SHANK2: variants seen among roughly 807,000 people sequenced by gnomAD.
The protein encoded by SHANK2 is SH3 and multiple ankyrin repeat domains protein 2.
Under a neutral mutation model 133.7 loss-of-function variants are expected in SHANK2, and 43 were observed. The ratio of observed to expected loss-of-function variants is 0.32; its 90% CI spans 0.25 to 0.41. The LOEUF is 0.41. Ranked by LOEUF, SHANK2 falls within the 10% of genes least tolerant of loss-of-function variation. The pLI is 1.00. For missense variants in SHANK2, 1,994 were observed against 2,235.8 expected (o/e 0.89, Z 2.18); for synonymous variants, 1,017 against 952.8 (o/e 1.07, Z -1.24).
At chr11:70,623,380 C>G (rs11236931) in intron 17 of SHANK2, among the ~76,000 whole-genome samples, 53,602 of 152,140 alleles carry the variant, frequency 0.35, 10,164 homozygotes, top group East Asian at 0.68. Flanking sequence ...CTCCACGCAC[C>G]ATTTGCCCTT....
intron 11 of SHANK2, among the ~76,000 whole-genome samples, chr11:70,820,992 T>G (rs1555055840): frequency 6.6e-6 from 1 of 152,046 alleles, no homozygotes; most frequent in African/African-American, 2.4e-5. Context: ...CCGGCTGGCT[T>G]GGGCATGTGT....
chr11:70,606,090 G>C (rs116091404), intron 17 of SHANK2, among the ~76,000 whole-genome samples: 2,021 of 152,272 alleles, frequency 0.013, 41 homozygotes, highest in African/African-American at 0.046. Context: ...CTGCCAGGAA[G>C]TGTGCATGGC....
chr11:70,777,176 C>T (rs555580736), intron 14 of SHANK2, among the ~76,000 whole-genome samples: 1 of 151,566 alleles, frequency 6.6e-6, no homozygotes, highest in East Asian at 2.0e-4. Flanking sequence ...CTCACTCATC[C>T]ACCCATCCAT....
At chr11:71,146,668 G>C (rs1590956700) in intron 3 of SHANK2, among the ~76,000 whole-genome samples, 1 of 152,190 alleles carries the variant, frequency 6.6e-6, no homozygotes, top group East Asian at 1.9e-4. Context: ...GGAAGTGGGG[G>C]AGCATGGGAT....
At chr11:71,226,759 T>C (rs1160858822) in intron 1 of SHANK2, 2 of 152,040 alleles carry the variant, frequency 1.3e-5, no homozygotes, top group Non-Finnish European at 2.9e-5. Context: ...AAAGAATAGC[T>C]AAAAAGAAGC....
At chr11:70,917,216 C>T (rs1950283487) in intron 10 of SHANK2, among the ~76,000 whole-genome samples, 1 of 152,294 alleles carries the variant, frequency 6.6e-6, no homozygotes, top group East Asian at 1.9e-4. Flanking sequence ...TCAGCAGACA[C>T]TTTTCAAAAG....
At chr11:70,639,834 G>C (rs1337294322) in intron 17 of SHANK2, among the ~76,000 whole-genome samples, 1 of 152,092 alleles carries the variant, frequency 6.6e-6, no homozygotes, top group Non-Finnish European at 1.5e-5. Context: ...TCTTTACCTG[G>C]CTCCTCTCTA....
intron 15 of SHANK2, among the ~76,000 whole-genome samples, chr11:70,671,412 C>T (rs533924302): frequency 2.0e-5 from 3 of 152,268 alleles, no homozygotes; most frequent in East Asian, 1.9e-4. Context: ...CCTCACTTGA[C>T]GACTACAGAT....
chr11:71,095,244 A>G (rs1270301173), intron 6 of SHANK2, among the ~76,000 whole-genome samples: 1 of 152,230 alleles, frequency 6.6e-6, no homozygotes, highest in Non-Finnish European at 1.5e-5. Flanking sequence ...AGGATGACCC[A>G]GGAGGCAGGG....
chr11:70,481,082 A>G (rs1247716969), intron 25 of SHANK2, among the ~76,000 whole-genome samples: 5 of 152,228 alleles, frequency 3.3e-5, no homozygotes, highest in Non-Finnish European at 7.3e-5. Context: ...GAGATCAAAG[A>G]TGAGACTACC....
intron 21 of SHANK2, among the ~76,000 whole-genome samples, chr11:70,493,215 T>A (rs544481968): frequency 1.3e-5 from 2 of 149,776 alleles, no homozygotes; most frequent in African/African-American, 2.4e-5. Flanking sequence ...AGACATATGG[T>A]TCCTTTGTAA....
chr11:70,574,794 G>A (rs1359461344), intron 17 of SHANK2, among the ~76,000 whole-genome samples: 1 of 152,172 alleles, frequency 6.6e-6, no homozygotes, highest in Non-Finnish European at 1.5e-5. Context: ...GCTGTAGTGC[G>A]AGGACACCCA....
At chr11:70,480,415 GCT>G (rs1326756269) in intron 25 of SHANK2, among the ~76,000 whole-genome samples, 1 of 152,180 alleles carries the variant, frequency 6.6e-6, no homozygotes, top group East Asian at 1.9e-4. Flanking sequence ...GTGTCCCGTG[GCT>G]CTCTTCTGCA....
At chr11:70,730,369 C>T (rs868908654) in intron 14 of SHANK2, among the ~76,000 whole-genome samples, 36 of 152,274 alleles carry the variant, frequency 2.4e-4, no homozygotes, top group Admixed American at 1.6e-3. Context: ...TCCCCACTCA[C>T]GCCCAATTGT....
At position 70,836,243 on chromosome 11, in the gene SHANK2, C is replaced by A. The variant is rs1948813164; in HGVS notation, c.1175-15561G>T. Among the ~76,000 whole-genome samples, 4 of 152,236 alleles carry A rather than the reference C, an allele frequency of 2.6e-5. No homozygotes were observed. The South Asian group carries it at 6.2e-4, about 24-fold the overall frequency. On this transcript the variant is annotated intron_variant, in intron 11 of 25. Coordinates refer to ENST00000601538, the MANE Select transcript of SHANK2 (RefSeq NM_012309.5). Reference sequence around the variant, plus strand: ...GCAGCATGGCCCCTTAGCCCTGATTCTCAGGCCGGCTCCACACAGCTGCCA... The same window carrying A: ...GCAGCATGGCCCCTTAGCCCTGATTATCAGGCCGGCTCCACACAGCTGCCA...
intron 17 of SHANK2, among the ~76,000 whole-genome samples, chr11:70,587,129 C>A (rs1343581296): frequency 2.6e-5 from 4 of 152,226 alleles, no homozygotes; most frequent in African/African-American, 9.6e-5. Flanking sequence ...CTCCCGACCA[C>A]AACACTAGGG....
intron 3 of SHANK2, among the ~76,000 whole-genome samples, chr11:71,130,082 C>T (rs1555103430): frequency 6.6e-6 from 1 of 152,218 alleles, no homozygotes; most frequent in African/African-American, 2.4e-5. Flanking sequence ...GATCAGGGCC[C>T]ACTCTAACAA....
intron 2 of SHANK2, among the ~76,000 whole-genome samples, chr11:71,214,329 A>C (rs868995803): frequency 6.6e-6 from 1 of 152,194 alleles, no homozygotes; most frequent in Admixed American, 6.5e-5. Flanking sequence ...GTTTCCACGC[A>C]GGTGAGGAAC....
At chr11:70,885,314 G>T (rs1335538329) in intron 11 of SHANK2, among the ~76,000 whole-genome samples, 4 of 152,224 alleles carry the variant, frequency 2.6e-5, no homozygotes, top group African/African-American at 9.6e-5. Flanking sequence ...GGTGAGAACT[G>T]CCCAGGACCG....
Sources: allele counts gnomAD v4.1 joint callset (sites outside exome capture counted in the v4.1 genomes callset), GRCh38; gene constraint gnomAD v4.1.1; transcripts MANE v1.5; gene names NCBI Gene and HGNC (gene_info 2026-07-23, HGNC 2026-07-21).